Variants in ATP8A2 observed in about 807,000 individuals in gnomAD.
ATP8A2 encodes ATPase phospholipid transporting 8A2.
ATP8A2 carries 100 observed loss-of-function variants against 165.6 expected under a neutral mutation model. That is an observed-to-expected ratio of 0.60 (90% CI 0.51 to 0.71). The LOEUF (loss-of-function observed/expected upper bound fraction) is 0.71, where lower values mean the gene tolerates loss of function less well. Ranked by LOEUF, ATP8A2 falls within the 30% of genes least tolerant of loss-of-function variation. ATP8A2 has a pLI of 0.00. For missense variants in ATP8A2, 1,227 were observed against 1,479.5 expected (o/e 0.83, Z 2.80); for synonymous variants, 543 against 548.8 (o/e 0.99, Z 0.15).
chr13:25,541,962 T>C lies in ATP8A2; in HGVS notation c.695T>C (p.Met232Thr), dbSNP rs2038492059. The change falls in exon 9 of 37, where the codon ATG (methionine) becomes ACG (threonine). Residue 232 changes from methionine to threonine, a missense_variant. By Grantham distance (81) the Met-to-Thr change is moderately conservative (BLOSUM62 -1). This residue lies in a region of ATP8A2 where 356 missense variants were observed against 394.9 expected (regional missense o/e 0.90). Coordinates refer to ENST00000381655, the MANE Select transcript of ATP8A2 (RefSeq NM_016529.6). ...TADMQTREVLMKLSGTIECEG... is the reference protein window; with the variant it reads ...TADMQTREVLTKLSGTIECEG... Reference sequence around the variant, plus strand: ...GACATGCAAACACGTGAAGTTCTGATGAAGTTATCTGGAACTATAGAGTGT... The same window carrying C: ...GACATGCAAACACGTGAAGTTCTGACGAAGTTATCTGGAACTATAGAGTGT... 1.2e-6 allele frequency: 2 copies of C among 1,614,026 alleles called. No individual in the cohort carries two copies. Among genetic ancestry groups the C allele is most frequent in the East Asian group, 2.2e-5 (1 of 44,896 alleles).
At chr13:25,743,087 T>C (rs116697208) in intron 25 of ATP8A2, among the ~76,000 whole-genome samples, 2,098 of 152,166 alleles carry the variant, frequency 0.014, 53 homozygotes, top group African/African-American at 0.048. Flanking sequence ...TGTATTGAGA[T>C]GAGGTCATTA....
rs2036660392 is a variant in ATP8A2, at chr13:25,495,794, C to T, written c.221+26673C>T. On this transcript the variant is annotated intron_variant, in intron 2 of 36. Transcript: ENST00000381655. ...TGTCTGTTTTTATAGCTTAAAGTCA[C>T]TTTTATACTTCCCATGGCTGTGTTC... Among the ~76,000 whole-genome samples the T allele has an allele frequency of 2.0e-5, 3 of 151,972 alleles. No individual in the cohort carries two copies. In the South Asian group the frequency reaches 6.2e-4, roughly 32 times the overall value.
At chr13:25,521,611 A>G (rs1009838479) in intron 2 of ATP8A2, among the ~76,000 whole-genome samples, 1 of 152,184 alleles carries the variant, frequency 6.6e-6, no homozygotes, top group African/African-American at 2.4e-5. Flanking sequence ...TTTTCCCGGC[A>G]TCATTTATTG....
intron 30 of ATP8A2, among the ~76,000 whole-genome samples, chr13:25,849,304 T>C (rs1042372828): frequency 6.6e-6 from 1 of 152,232 alleles, no homozygotes; most frequent in Non-Finnish European, 1.5e-5. Flanking sequence ...CCATCTGTTT[T>C]CATGATTGTT....
chr13:25,731,334 A>AG (rs1441673035), intron 25 of ATP8A2, among the ~76,000 whole-genome samples: 78 of 121,780 alleles, frequency 6.4e-4, no homozygotes, highest in Non-Finnish European at 1.2e-3. Context: ...GAAAGAGAGA[A>AG]AGGGAAAGAA....
intron 30 of ATP8A2, among the ~76,000 whole-genome samples, chr13:25,849,918 T>G (rs1415817770): frequency 1.3e-5 from 2 of 152,208 alleles, no homozygotes; most frequent in Non-Finnish European, 2.9e-5. Flanking sequence ...TTATATTAGG[T>G]TTGTATCACA....
rs1951396817 is a variant in ATP8A2 at position 25,829,317 on chromosome 13, AC to A, written c.2754+1126del. The stretch of plus-strand genomic sequence containing the variant: ...CCTCCTGATACTGATGCCCTAAAAG[AC>A]AAAGATTAGGAGTGGTAAGAACAGG... On this transcript the variant is annotated intron_variant, in intron 28 of 36. Transcript: ENST00000381655. Among the ~76,000 whole-genome samples the A allele has an allele frequency of 2.6e-5, 4 of 152,086 alleles. No homozygotes were observed. In the South Asian group the frequency reaches 8.3e-4, roughly 32 times the overall value.
At chr13:25,975,593 A>G (rs968402108) in intron 35 of ATP8A2, among the ~76,000 whole-genome samples, 1 of 152,122 alleles carries the variant, frequency 6.6e-6, no homozygotes, top group African/African-American at 2.4e-5. Flanking sequence ...AAAAAAAAAA[A>G]AGAAGTTTTA....
chr13:25,529,163 G>C (rs2037948404), intron 2 of ATP8A2, among the ~76,000 whole-genome samples: 1 of 152,104 alleles, frequency 6.6e-6, no homozygotes, highest in Non-Finnish European at 1.5e-5. Context: ...ATTAAGAATA[G>C]GCTCAGAGTG....
intron 25 of ATP8A2, among the ~76,000 whole-genome samples, chr13:25,738,773 A>G (rs1378230157): frequency 1.3e-5 from 2 of 152,252 alleles, no homozygotes; most frequent in African/African-American, 4.8e-5. Flanking sequence ...GTAATACAAG[A>G]TTTATAGTTG....
chr13:25,768,915 T>A, intron 25 of ATP8A2, 131 bp from the exon 26 acceptor site: 2 of 860,800 alleles, frequency 2.3e-6, no homozygotes, highest in Non-Finnish European at 3.7e-6. Context: ...TCTTTGCACA[T>A]GAGCATAAAA....
At chr13:25,809,924 A>G (rs1410272350) in intron 27 of ATP8A2, among the ~76,000 whole-genome samples, 1 of 152,142 alleles carries the variant, frequency 6.6e-6, no homozygotes, top group East Asian at 1.9e-4. Context: ...AGACATGCAT[A>G]TGTGTCAAGT....
At chr13:25,832,499 G>C (rs952699655) in intron 28 of ATP8A2, among the ~76,000 whole-genome samples, 6 of 152,090 alleles carry the variant, frequency 3.9e-5, no homozygotes, top group African/African-American at 1.4e-4. Flanking sequence ...TATATTAAAA[G>C]AAAAAGTATG....
At chr13:25,710,629 G>C (rs2043140463) in intron 25 of ATP8A2, among the ~76,000 whole-genome samples, 2 of 152,190 alleles carry the variant, frequency 1.3e-5, no homozygotes, top group South Asian at 4.1e-4. Context: ...GACCCAACTT[G>C]AGGGAGTACC....
At chr13:25,697,974 A>G (rs1175253719) in intron 24 of ATP8A2, among the ~76,000 whole-genome samples, 2 of 152,198 alleles carry the variant, frequency 1.3e-5, no homozygotes, top group African/African-American at 4.8e-5. Context: ...CTGATCCTCA[A>G]TTTTACTAGA....
chr13:25,784,205 T>C (rs1369024522), intron 27 of ATP8A2, among the ~76,000 whole-genome samples: 1 of 151,848 alleles, frequency 6.6e-6, no homozygotes, highest in African/African-American at 2.4e-5. Flanking sequence ...TCTTTGGAAC[T>C]CTATAAAATG....
chr13:25,895,948 C>T (rs865971052), intron 33 of ATP8A2, among the ~76,000 whole-genome samples: 14 of 151,960 alleles, frequency 9.2e-5, no homozygotes, highest in Admixed American at 5.2e-4. Context: ...GTCTTGCTAG[C>T]GGTCTATCAA....
chr13:25,729,993 T>G (rs1265721902), intron 25 of ATP8A2, among the ~76,000 whole-genome samples: 1 of 152,180 alleles, frequency 6.6e-6, no homozygotes, highest in Non-Finnish European at 1.5e-5. Context: ...ACATCTAACT[T>G]AATTTATTAG....
chr13:25,832,277 G>A (rs1444517527), intron 28 of ATP8A2, among the ~76,000 whole-genome samples: 3 of 152,092 alleles, frequency 2.0e-5, no homozygotes, highest in Non-Finnish European at 4.4e-5. Context: ...AAAATACCAC[G>A]AAGGACCAAT....
Sources: gnomAD v4.1 joint callset for allele counts (sites outside exome capture counted in the v4.1 genomes callset) on GRCh38, gnomAD v4.1.1 for gene constraint, gnomAD v4.1.1 regional missense constraint, MANE v1.5 for transcripts, NCBI Gene and HGNC (gene_info 2026-07-23, HGNC 2026-07-21) for gene names.